Variants in DCC observed in about 807,000 individuals in gnomAD.
DCC encodes DCC netrin 1 receptor.
Under a neutral mutation model 172.5 loss-of-function variants are expected in DCC, and 58 were observed. That is an observed-to-expected ratio of 0.34 (90% CI 0.27 to 0.42). DCC has a LOEUF of 0.42. Ranked by LOEUF, DCC falls within the 10% of genes least tolerant of loss-of-function variation. The pLI, the probability that DCC is intolerant of heterozygous loss-of-function variation, is 1.00. For synonymous variants in DCC, 709 were observed against 644.5 expected, an observed-to-expected ratio of 1.10 and a Z score of -1.52; for missense variants, 1,740 against 1,791.0, an observed-to-expected ratio of 0.97 and a Z score of 0.51.
At chr18:53,402,621 A>G (rs1364410677) in intron 18 of DCC, among the ~76,000 whole-genome samples, 165 bp from the exon 19 acceptor site, 3 of 152,134 alleles carry the variant, frequency 2.0e-5, no homozygotes, top group Non-Finnish European at 4.4e-5. Context: ...TAATTTTTGT[A>G]TCCTTGTTTG....
intron 15 of DCC, among the ~76,000 whole-genome samples, chr18:53,356,458 T>G (rs550954340): frequency 6.6e-6 from 1 of 152,330 alleles, no homozygotes; most frequent in African/African-American, 2.4e-5. Flanking sequence ...GCAGTTATGT[T>G]ACTTTGAAAT....
intron 15 of DCC, among the ~76,000 whole-genome samples, chr18:53,380,315 C>G (rs1907619890): frequency 1.3e-5 from 2 of 152,150 alleles, no homozygotes; most frequent in African/African-American, 4.8e-5. Flanking sequence ...GTAGAAAACC[C>G]TCATTCTCTC....
intron 1 of DCC, among the ~76,000 whole-genome samples, chr18:52,612,681 C>T (rs908860302): frequency 1.2e-4 from 19 of 152,130 alleles, no homozygotes; most frequent in African/African-American, 4.6e-4. Flanking sequence ...TTTCTAGAGC[C>T]TTGATGGTTG....
At chr18:52,522,578 A>G (rs1406015226) in intron 1 of DCC, among the ~76,000 whole-genome samples, 1 of 152,190 alleles carries the variant, frequency 6.6e-6, no homozygotes, top group Non-Finnish European at 1.5e-5. Context: ...AAAGTATCCT[A>G]TTTTTATTTG....
At chr18:53,519,836 A>C (rs552355766) in intron 27 of DCC, among the ~76,000 whole-genome samples, 1 of 152,140 alleles carries the variant, frequency 6.6e-6, no homozygotes, top group African/African-American at 2.4e-5. Flanking sequence ...CAAAAATTCT[A>C]TCATTTCTTA....
chr18:53,000,953 C>T (rs149321962), intron 5 of DCC, among the ~76,000 whole-genome samples: 2 of 151,912 alleles, frequency 1.3e-5, no homozygotes, highest in South Asian at 4.2e-4. Flanking sequence ...TTTTTCCCAT[C>T]GACTGCATCT....
intron 24 of DCC, among the ~76,000 whole-genome samples, chr18:53,464,232 C>T (rs919526867): frequency 2.6e-5 from 4 of 152,178 alleles, no homozygotes; most frequent in African/African-American, 9.6e-5. Context: ...AATTTCACTA[C>T]AGAAGCACCA....
chr18:52,844,392 T>C (rs963162028), intron 2 of DCC, among the ~76,000 whole-genome samples: 1 of 152,074 alleles, frequency 6.6e-6, no homozygotes, highest in African/African-American at 2.4e-5. Context: ...TTTAAGAGGG[T>C]TAACCTCCAT....
intron 12 of DCC, among the ~76,000 whole-genome samples, chr18:53,228,803 GT>G (rs1289840352): frequency 6.6e-6 from 1 of 152,088 alleles, no homozygotes; most frequent in Non-Finnish European, 1.5e-5. Context: ...CCTTAAACCA[GT>G]TACTTGTTTA....
At chr18:52,837,844 A>G (rs913896554) in intron 2 of DCC, among the ~76,000 whole-genome samples, 2 of 152,238 alleles carry the variant, frequency 1.3e-5, no homozygotes, top group African/African-American at 4.8e-5. Flanking sequence ...CAAAGGAAAG[A>G]GATTTAATTG....
chr18:53,055,492 G>C (rs1482390216), intron 5 of DCC, among the ~76,000 whole-genome samples: 6 of 152,020 alleles, frequency 3.9e-5, no homozygotes, highest in Admixed American at 3.9e-4. Flanking sequence ...TCCATACCTT[G>C]AAATCCATTT....
intron 1 of DCC, among the ~76,000 whole-genome samples, chr18:52,570,092 G>A (rs767985893): frequency 1.4e-4 from 22 of 152,064 alleles, no homozygotes; most frequent in Non-Finnish European, 2.5e-4. Flanking sequence ...TAGACACATT[G>A]GACATTATTA....
chr18:52,744,877 A>G (rs2036883389), intron 1 of DCC, among the ~76,000 whole-genome samples: 1 of 152,234 alleles, frequency 6.6e-6, no homozygotes, highest in Non-Finnish European at 1.5e-5. Flanking sequence ...AGGCAATGTG[A>G]TAAAGAATAC....
intron 5 of DCC, among the ~76,000 whole-genome samples, chr18:53,006,307 A>G (rs572460516): frequency 1.2e-4 from 19 of 152,314 alleles, no homozygotes; most frequent in Non-Finnish European, 2.1e-4. Flanking sequence ...TCCTACCTAG[A>G]TTGATTAGAG....
At chr18:53,529,058 A>T (rs910838950) in intron 28 of DCC, among the ~76,000 whole-genome samples, 167 of 150,732 alleles carry the variant, frequency 1.1e-3, no homozygotes, top group African/African-American at 3.7e-3. Context: ...ACACACACAC[A>T]CACACACACA....
chr18:53,450,739 G>A (rs538701757), intron 23 of DCC, 77 bp downstream of exon 23: 63 of 1,217,276 alleles, frequency 5.2e-5, no homozygotes, highest in African/African-American at 1.2e-4. Context: ...CTCTTTCTGC[G>A]TTCTTTCATA....
At chr18:52,471,785 T>C (rs1167739310) in intron 1 of DCC, among the ~76,000 whole-genome samples, 1 of 152,164 alleles carries the variant, frequency 6.6e-6, no homozygotes, top group Non-Finnish European at 1.5e-5. Flanking sequence ...ACAAGACTAA[T>C]AAAGAATGGC....
At chr18:53,261,364 T>C (rs551299928) in intron 12 of DCC, among the ~76,000 whole-genome samples, 3 of 152,282 alleles carry the variant, frequency 2.0e-5, no homozygotes, top group Non-Finnish European at 4.4e-5. Flanking sequence ...GTGAGGACGT[T>C]TTGTGTCCTC....
intron 12 of DCC, among the ~76,000 whole-genome samples, chr18:53,222,386 T>TC (rs1242440535): frequency 3.1e-3 from 195 of 62,168 alleles, no homozygotes; most frequent in Non-Finnish European, 5.2e-3. Flanking sequence ...CTTTTTTCTT[T>TC]TTTTTTTTTT....
Sources: gnomAD v4.1 joint callset for allele counts (sites outside exome capture counted in the v4.1 genomes callset) on GRCh38, gnomAD v4.1.1 for gene constraint, MANE v1.5 for transcripts, NCBI Gene and HGNC (gene_info 2026-07-23, HGNC 2026-07-21) for gene names.